Variants in TENM3 observed in about 807,000 individuals in gnomAD.
TENM3 encodes teneurin transmembrane protein 3.
TENM3 carries 63 observed loss-of-function variants against 255.1 expected under a neutral mutation model. The observed-to-expected ratio is 0.25, with a 90% CI of 0.20 to 0.30. TENM3 has a LOEUF of 0.30. TENM3 is among the 10% of genes least tolerant of loss of function. The pLI, the probability that TENM3 is intolerant of heterozygous loss-of-function variation, is 1.00. For synonymous variants in TENM3, 1,306 were observed against 1,322.3 expected, an observed-to-expected ratio of 0.99 and a Z score of 0.27; for missense variants, 2,929 against 3,461.1, an observed-to-expected ratio of 0.85 and a Z score of 3.86.
At chr4:182,730,846 C>G in intron 15 of TENM3, 32 bp from the exon 16 acceptor site, 4 of 1,607,878 alleles carry the variant, frequency 2.5e-6, no homozygotes, top group Non-Finnish European at 3.4e-6. Flanking sequence ...GGGATCCAGA[C>G]AATTCACTAA....
intron 2 of TENM3, among the ~76,000 whole-genome samples, chr4:182,339,759 C>T (rs906407155): frequency 3.3e-5 from 5 of 152,226 alleles, no homozygotes; most frequent in Middle Eastern, 3.4e-3. Context: ...AAACCATAGG[C>T]GTATTTATAC....
At chr4:182,449,158 G>C (rs1385299530) in intron 3 of TENM3, 9 of 176,256 alleles carry the variant, frequency 5.1e-5, no homozygotes, top group Non-Finnish European at 1.0e-4. Context: ...CTCCCCGCGC[G>C]GCAGGGTCGC....
chr4:181,736,255 G>A, the TENM3 span, among the ~76,000 whole-genome samples: 7 of 152,116 alleles, frequency 4.6e-5, no homozygotes, highest in Admixed American at 2.0e-4. Context: ...GCGAGACGGC[G>A]CCATTGCACT....
chr4:181,751,593 G>A, the TENM3 span, among the ~76,000 whole-genome samples: 1 of 146,004 alleles, frequency 6.8e-6, no homozygotes, highest in African/African-American at 2.5e-5. Context: ...ATCCCACCTC[G>A]CTGATTACAC....
At chr4:182,245,356 C>T (rs987786967) in intron 1 of TENM3, among the ~76,000 whole-genome samples, 6 of 152,226 alleles carry the variant, frequency 3.9e-5, no homozygotes, top group Admixed American at 2.0e-4. Flanking sequence ...AGAAAGGAAT[C>T]TATCTGATCT....
intron 3 of TENM3, among the ~76,000 whole-genome samples, chr4:182,495,831 A>G (rs1470796392): frequency 2.0e-5 from 3 of 152,202 alleles, no homozygotes; most frequent in Non-Finnish European, 4.4e-5. Flanking sequence ...CAATTTAATT[A>G]TCATTACTTG....
the TENM3 span, among the ~76,000 whole-genome samples, chr4:181,502,860 G>A: frequency 7.9e-5 from 12 of 152,134 alleles, no homozygotes; most frequent in East Asian, 3.9e-4. Flanking sequence ...ATAAAGGGTC[G>A]CTGGGAGCAA....
chr4:181,716,424 CA>C, the TENM3 span, among the ~76,000 whole-genome samples: 1 of 152,182 alleles, frequency 6.6e-6, no homozygotes, highest in Non-Finnish European at 1.5e-5. Flanking sequence ...CTGTTTTACA[CA>C]TGTAGTACCT....
At chr4:182,001,753 CT>C in the TENM3 span, among the ~76,000 whole-genome samples, 2 of 152,044 alleles carry the variant, frequency 1.3e-5, no homozygotes, top group African/African-American at 2.4e-5. Context: ...TATATTTAGA[CT>C]TGTTAAAAAT....
chr4:182,006,525 T>C, the TENM3 span, among the ~76,000 whole-genome samples: 3 of 152,184 alleles, frequency 2.0e-5, no homozygotes, highest in African/African-American at 7.2e-5. Flanking sequence ...GAGGTGTTTT[T>C]AGTATTCTCT....
the TENM3 span, among the ~76,000 whole-genome samples, chr4:182,108,372 G>A: frequency 6.6e-6 from 1 of 152,170 alleles, no homozygotes; most frequent in Admixed American, 6.5e-5. Flanking sequence ...TACATGGGAT[G>A]TTTTTCCTTC....
At chr4:182,052,585 G>A in the TENM3 span, among the ~76,000 whole-genome samples, 2 of 152,112 alleles carry the variant, frequency 1.3e-5, no homozygotes. Context: ...TCACCCTTCA[G>A]TGCTTTCACT....
At chr4:182,548,989 C>G (rs1741738178) in intron 3 of TENM3, among the ~76,000 whole-genome samples, 1 of 152,132 alleles carries the variant, frequency 6.6e-6, no homozygotes, top group South Asian at 2.1e-4. Context: ...AAATGGAAAA[C>G]AGAGATGATG....
intron 1 of TENM3, among the ~76,000 whole-genome samples, chr4:182,157,055 GA>G (rs1167865534): frequency 6.6e-6 from 1 of 152,192 alleles, no homozygotes; most frequent in Non-Finnish European, 1.5e-5. Context: ...CCAGAGAACT[GA>G]AGGGGGGTAC....
At chr4:181,621,627 A>G in the TENM3 span, among the ~76,000 whole-genome samples, 2 of 152,192 alleles carry the variant, frequency 1.3e-5, no homozygotes, top group Non-Finnish European at 2.9e-5. Flanking sequence ...ACACACACAA[A>G]AAAATCATTT....
At chr4:182,659,074 G>T (rs1448300239) in intron 6 of TENM3, among the ~76,000 whole-genome samples, 1 of 152,162 alleles carries the variant, frequency 6.6e-6, no homozygotes, top group Admixed American at 6.5e-5. Flanking sequence ...TCCTGGGGAG[G>T]GGAATTAAAC....
chr4:182,232,471 A>T (rs1756641518), intron 1 of TENM3, among the ~76,000 whole-genome samples: 1 of 152,208 alleles, frequency 6.6e-6, no homozygotes, highest in Admixed American at 6.5e-5. Flanking sequence ...CACACCTGTA[A>T]TCCCAGCACT....
intron 13 of TENM3, among the ~76,000 whole-genome samples, chr4:182,715,020 G>A (rs538111743): frequency 6.6e-6 from 1 of 152,192 alleles, no homozygotes; most frequent in African/African-American, 2.4e-5. Context: ...GAGTAGCTGG[G>A]ATTACAGGCA....
the TENM3 span, among the ~76,000 whole-genome samples, chr4:181,580,462 G>A: frequency 2.0e-5 from 3 of 152,124 alleles, no homozygotes; most frequent in Non-Finnish European, 4.4e-5. Context: ...GAGTCTCTGT[G>A]CAAAGTATTA....
Sources: allele counts gnomAD v4.1 joint callset (sites outside exome capture counted in the v4.1 genomes callset), GRCh38; gene constraint gnomAD v4.1.1; transcripts MANE v1.5; gene names NCBI Gene and HGNC (gene_info 2026-07-23, HGNC 2026-07-21).